Variants in ST7L observed in about 807,000 individuals in gnomAD.
ST7L encodes the protein suppression of tumorigenicity 7 like.
Under a neutral mutation model 72.5 loss-of-function variants are expected in ST7L, and 57 were observed. The ratio of observed to expected loss-of-function variants is 0.79; its 90% CI spans 0.64 to 0.98. ST7L has a LOEUF of 0.98. Among genes scored for constraint, ST7L ranks in the 50% least tolerant of loss-of-function variants. The pLI is 0.00. For synonymous variants in ST7L, 221 were observed against 240.9 expected (o/e 0.92, Z 0.77); for missense variants, 576 against 672.2 (o/e 0.86, Z 1.58).
chr1:112,534,503 A>C (rs1654874895), intron 14 of ST7L, among the ~76,000 whole-genome samples: 1 of 152,202 alleles, frequency 6.6e-6, no homozygotes, highest in Non-Finnish European at 1.5e-5. Flanking sequence ...TGAAGCACTA[A>C]CTGAAGTCTG....
At chr1:112,526,301 C>T in intron 14 of ST7L, 190 bp from the exon 15 acceptor site, 1 of 571,720 alleles carries the variant, frequency 1.7e-6, no homozygotes, top group Non-Finnish European at 2.9e-6. Flanking sequence ...ACATATTCCA[C>T]ATTTAAACAA....
intron 13 of ST7L, among the ~76,000 whole-genome samples, chr1:112,549,374 G>C (rs906369788): frequency 1.3e-5 from 2 of 152,218 alleles, no homozygotes; most frequent in African/African-American, 4.8e-5. Context: ...GCCTGGGTGA[G>C]AGTGAGAATT....
intron 3 of ST7L, among the ~76,000 whole-genome samples, chr1:112,606,373 T>C (rs749506544): frequency 1.5e-4 from 23 of 152,196 alleles, no homozygotes; most frequent in Non-Finnish European, 3.1e-4. Flanking sequence ...CCAATGTCAT[T>C]GCTCTCAAGT....
chr1:112,617,032 T>C (rs1352603405), intron 1 of ST7L, 137 bp from the exon 2 acceptor site: 1 of 555,778 alleles, frequency 1.8e-6, no homozygotes, highest in African/African-American at 1.9e-5. Context: ...GAAAAAGTTT[T>C]AATTTGTATA....
intron 7 of ST7L, 89 bp from the exon 8 acceptor site, chr1:112,582,561 T>C (rs1664292733): frequency 1.4e-6 from 1 of 713,154 alleles, no homozygotes; most frequent in African/African-American, 1.8e-5. Context: ...TTTATTTGCT[T>C]CCCTTGGAAG....
chr1:112,609,763 A>C (rs1668790084), intron 3 of ST7L, among the ~76,000 whole-genome samples: 1 of 152,136 alleles, frequency 6.6e-6, no homozygotes, highest in Admixed American at 6.6e-5. Flanking sequence ...GAGAGGTTGC[A>C]GTGAGCCGAG....
chr1:112,539,662 A>AG, intron 14 of ST7L: 3 of 953,224 alleles, frequency 3.1e-6, no homozygotes, highest in Non-Finnish European at 2.5e-6. Context: ...TTTCAAAAAA[A>AG]AAAAAAAAAA....
At chr1:112,545,007 AGG>A (rs960008570) in intron 13 of ST7L, among the ~76,000 whole-genome samples, 1 of 152,210 alleles carries the variant, frequency 6.6e-6, no homozygotes, top group African/African-American at 2.4e-5. Flanking sequence ...TATGTGAACT[AGG>A]GGAATAGTTC....
intron 12 of ST7L, among the ~76,000 whole-genome samples, chr1:112,554,400 A>C (rs547429920): frequency 6.6e-6 from 1 of 152,242 alleles, no homozygotes; most frequent in African/African-American, 2.4e-5. Flanking sequence ...GCAAAACACC[A>C]CCACAATGAG....
At chr1:112,580,140 A>G (rs1218173974) in intron 9 of ST7L, among the ~76,000 whole-genome samples, 1 of 149,848 alleles carries the variant, frequency 6.7e-6, no homozygotes, top group African/African-American at 2.4e-5. Flanking sequence ...AATGTGAATA[A>G]ACGACCTTTT....
In ST7L at chr1:112,604,724, C is replaced by T. The variant is rs1667933447; in HGVS notation, c.452-3876G>A. Among the ~76,000 whole-genome samples, 4 of 146,590 alleles carry T rather than the reference C, an allele frequency of 2.7e-5. No homozygotes were observed. The South Asian group carries it at 8.7e-4, about 32-fold the overall frequency. ...GCTGAGGCAGGAGGATCACTTGAGC[C>T]CAGGAGTTCAAGACCCCAGCCTGGG... On this transcript the variant is annotated intron_variant, in intron 3 of 14. Coordinates refer to ENST00000358039, the MANE Select transcript of ST7L (RefSeq NM_017744.5).
At chr1:112,542,342 A>G (rs1656240142) in intron 13 of ST7L, among the ~76,000 whole-genome samples, 1 of 152,180 alleles carries the variant, frequency 6.6e-6, no homozygotes, top group African/African-American at 2.4e-5. Context: ...TGATTACAAA[A>G]TCATGCTGAG....
At chr1:112,582,225 C>A (rs1664233876) in intron 8 of ST7L, 119 bp from the exon 9 acceptor site, 2 of 909,130 alleles carry the variant, frequency 2.2e-6, no homozygotes, top group South Asian at 3.2e-5. Flanking sequence ...AGACCTAACC[C>A]TTAAGAAAGG....
intron 4 of ST7L, 22 bp downstream of exon 4, chr1:112,600,772 T>C (rs761142732): frequency 3.1e-6 from 5 of 1,602,764 alleles, no homozygotes; most frequent in Admixed American, 3.4e-5. Context: ...GCCCTACTTA[T>C]ACTGAAAGCA....
In ST7L at chr1:112,525,755, G is replaced by A. The variant is rs1653284207; in HGVS notation, c.*258C>T. On this transcript the variant is annotated 3_prime_UTR_variant, in exon 15 of 15. Coordinates refer to ENST00000358039, the MANE Select transcript of ST7L (RefSeq NM_017744.5). Reference sequence around the variant, plus strand: ...TCAACCCCAACAGCCCCTGTAAGTAGCCCTGGCCAAACAGAAAGGCTAAGC... The same window carrying A: ...TCAACCCCAACAGCCCCTGTAAGTAACCCTGGCCAAACAGAAAGGCTAAGC... 2.6e-6 allele frequency: 1 copy of A among 380,700 alleles called. No homozygotes were observed. The highest frequency in any genetic ancestry group is 3.9e-5 in the Admixed American group (1 of 25,474). The allele number at this position is 380,700 out of a possible 1,614,324, so 23.6% of individuals were successfully genotyped here.
chr1:112,546,909 T>C (rs1657168324), intron 13 of ST7L, among the ~76,000 whole-genome samples: 1 of 151,858 alleles, frequency 6.6e-6, no homozygotes, highest in Admixed American at 6.6e-5. Context: ...TGTATGTATA[T>C]GTGTTAAGTA....
chr1:112,615,221 C>CTTA (rs1322994631), intron 2 of ST7L, among the ~76,000 whole-genome samples: 5 of 152,168 alleles, frequency 3.3e-5, no homozygotes, highest in African/African-American at 1.2e-4. Context: ...GTCTCGAACT[C>CTTA]TATCACCCCA....
In ST7L at chr1:112,557,733, G is replaced by T. The variant is rs1418328982; in HGVS notation, c.1246-1715C>A. 2.0e-5 allele frequency among the ~76,000 whole-genome samples: 3 copies of T among 152,170 alleles called. No individual in the cohort carries two copies. In the East Asian group the frequency reaches 5.8e-4, roughly 29 times the overall value. On this transcript the variant is annotated intron_variant, in intron 11 of 14. Transcript: ENST00000358039. ...ACAGATAGGTAGAATGTGGATGAGT[G>T]GACTGGGGAGTGAGGAGAACAGCAG...
At chr1:112,533,784 T>C (rs1320510800) in intron 14 of ST7L, among the ~76,000 whole-genome samples, 1 of 152,080 alleles carries the variant, frequency 6.6e-6, no homozygotes, top group East Asian at 1.9e-4. Flanking sequence ...GCCTTCTAAG[T>C]AGCTGAAACT....
Sources: allele counts gnomAD v4.1 joint callset (sites outside exome capture counted in the v4.1 genomes callset), GRCh38; gene constraint gnomAD v4.1.1; transcripts MANE v1.5; gene names NCBI Gene and HGNC (gene_info 2026-07-23, HGNC 2026-07-21).